Variants in DMXL1 observed in about 807,000 individuals in gnomAD.
DMXL1 encodes Dmx like 1.
A neutral mutation model predicts 319.2 loss-of-function variants in DMXL1; 99 were observed. The observed-to-expected ratio is 0.31, with a 90% CI of 0.26 to 0.37. The LOEUF is 0.37. Among genes scored for constraint, DMXL1 ranks in the 10% least tolerant of loss-of-function variants. The pLI, the probability that DMXL1 is intolerant of heterozygous loss-of-function variation, is 1.00. For missense variants in DMXL1, 3,745 were observed against 3,595.6 expected, an observed-to-expected ratio of 1.04 and a Z score of -1.06; for synonymous variants, 1,385 against 1,235.2, an observed-to-expected ratio of 1.12 and a Z score of -2.54.
At chr5:119,165,549 A>G (rs1354602656) in intron 21 of DMXL1, among the ~76,000 whole-genome samples, 1 of 152,220 alleles carries the variant, frequency 6.6e-6, no homozygotes, top group Non-Finnish European at 1.5e-5. Context: ...TGCTCCTATA[A>G]AACAAAGGTA....
chr5:119,116,484 A>G (rs1479454416), intron 7 of DMXL1, 148 bp downstream of exon 7: 3 of 846,436 alleles, frequency 3.5e-6, no homozygotes, highest in Non-Finnish European at 3.6e-6. Flanking sequence ...TGGCCTGCAC[A>G]TCTCTGGCTG....
chr5:119,206,896 G>C lies in DMXL1; in HGVS notation c.7926G>C (p.Lys2642Asn). Residue 2642 changes from lysine (K) to asparagine (N), a missense_variant and splice_region_variant, in exon 34 of 44, where the codon AAG becomes AAC. By Grantham distance (94) the Lys-to-Asn change is moderately conservative. Around this residue, in one of 4 missense-constraint regions of DMXL1, gnomAD observed 1,382 missense variants for 1,269.5 expected, o/e 1.09. Transcript: ENST00000539542. ...NSMMEEPNIN[K>N]IEADLGYPGG... ...TGATGGAGGAGCCAAACATCAATAA[G>C]GTACAAAATATCATTCAACTGAAAT... 1 of 1,508,718 alleles carries C rather than the reference G, an allele frequency of 6.6e-7. No homozygotes were observed. The highest frequency in any genetic ancestry group is 1.2e-5 in the South Asian group (1 of 82,418). The allele number at this position is 1,508,718 out of a possible 1,614,324, so 93.5% of individuals were successfully genotyped here.
At chr5:119,240,823 T>A (rs1788637333) in intron 42 of DMXL1, among the ~76,000 whole-genome samples, 1 of 152,104 alleles carries the variant, frequency 6.6e-6, no homozygotes, top group Non-Finnish European at 1.5e-5. Flanking sequence ...AGTAACACAA[T>A]AATAGGAAAT....
intron 3 of DMXL1, 115 bp from the exon 4 acceptor site, chr5:119,105,062 TTTG>T: frequency 1.5e-6 from 1 of 665,122 alleles, no homozygotes; most frequent in Non-Finnish European, 2.7e-6. Context: ...AACTGAACAT[TTTG>T]TTATCTTTAA....
intron 30 of DMXL1, among the ~76,000 whole-genome samples, chr5:119,195,645 T>C (rs187925772): frequency 8.5e-5 from 13 of 152,256 alleles, no homozygotes; most frequent in African/African-American, 2.6e-4. Context: ...TGGAGTTGGA[T>C]GGTGGTGGTG....
At chr5:119,112,257 G>A (rs1210951977) in intron 5 of DMXL1, among the ~76,000 whole-genome samples, 2 of 152,168 alleles carry the variant, frequency 1.3e-5, no homozygotes, top group South Asian at 2.1e-4. Flanking sequence ...CACCGTGCCC[G>A]GCCTGATAAT....
At chr5:119,195,719 G>T (rs1779492912) in intron 30 of DMXL1, among the ~76,000 whole-genome samples, 1 of 151,254 alleles carries the variant, frequency 6.6e-6, no homozygotes, top group Admixed American at 6.6e-5. Flanking sequence ...GGCCAAAATG[G>T]TAAATTTTAT....
Position 119,212,295 on chromosome 5 carries a change from G to A in DMXL1, c.7927-4606G>A, listed in dbSNP as rs150004376. Among the ~76,000 whole-genome samples, 36 of 152,256 alleles carry A rather than the reference G, an allele frequency of 2.4e-4. 1 individual carries two copies. The Middle Eastern group carries it at 0.014, about 58-fold the overall frequency. ...CTATCCCTAGGTACCTCATGTAAATGGAATTGTATAATAGTTATCCTTTTG... is the reference window on the plus strand; with the variant it reads ...CTATCCCTAGGTACCTCATGTAAATAGAATTGTATAATAGTTATCCTTTTG... On this transcript the variant is annotated intron_variant, in intron 34 of 43. Transcript: ENST00000539542.
At position 119,143,859 on chromosome 5, in the gene DMXL1, T is replaced by A. The variant is rs770783550; in HGVS notation, c.2395T>A (p.Phe799Ile). 6.3e-7 allele frequency: 1 copy of A among 1,586,046 alleles called. No individual in the cohort carries two copies. The highest frequency in any genetic ancestry group is 1.8e-5 in the Admixed American group (1 of 56,410). The change falls in exon 14 of 44, where the codon TTT becomes ATT. Residue 799 changes from phenylalanine to isoleucine, a missense_variant. Physicochemically the swap from Phe to Ile is conservative, Grantham distance 21 (BLOSUM62 0). Around this residue, in one of 4 missense-constraint regions of DMXL1, gnomAD observed 2,096 missense variants for 1,985.4 expected, o/e 1.06. Coordinates refer to ENST00000539542, the MANE Select transcript of DMXL1 (RefSeq NM_001290321.3). ...AAAACAGAAATATGTTGGTGAAGTC[T>A]TTAACATCGTCAGTCAACAATCAAC... is the stretch of plus-strand genomic sequence containing the variant. ...PEISKYVGEVFNIVSQQSTAR... is the reference protein window; with the variant it reads ...PEISKYVGEVINIVSQQSTAR...
intron 5 of DMXL1, among the ~76,000 whole-genome samples, chr5:119,111,825 A>C (rs1395529152): frequency 2.0e-5 from 3 of 152,224 alleles, no homozygotes; most frequent in African/African-American, 4.8e-5. Flanking sequence ...ACATATTAAA[A>C]ATAAGTGCAA....
At chr5:119,204,726 C>T (rs1436892585) in intron 33 of DMXL1, among the ~76,000 whole-genome samples, 3 of 152,004 alleles carry the variant, frequency 2.0e-5, no homozygotes, top group African/African-American at 4.8e-5. Context: ...GGACTGGTAA[C>T]GAAGAGTTCA....
chr5:119,174,710 A>G (rs999135680), intron 25 of DMXL1, among the ~76,000 whole-genome samples: 2 of 151,544 alleles, frequency 1.3e-5, no homozygotes, highest in Non-Finnish European at 2.9e-5. Context: ...TGCCATGTTT[A>G]GAGTCTTCTC....
In DMXL1 at chr5:119,148,829, G is replaced by C. The variant is rs1292511663; in HGVS notation, c.3002G>C (p.Arg1001Thr). The change falls in exon 18 of 44, where the codon AGA (arginine) becomes ACA (threonine). Residue 1001 changes from arginine to threonine, a missense_variant. Physicochemically the swap from Arg to Thr is moderately conservative, Grantham distance 71 (BLOSUM62 -1). Coordinates refer to ENST00000539542, the MANE Select transcript of DMXL1 (RefSeq NM_001290321.3). The stretch of plus-strand genomic sequence containing the variant: ...TCAGATGAGAAAGTAAGATTCTGGA[G>C]ATGCAGAGTAACAGATGGAGAATCT... ...SCSDEKVRFWRCRVTDGESAT... is the reference protein window; with the variant it reads ...SCSDEKVRFWTCRVTDGESAT... The C allele has an allele frequency of 5.6e-6, 9 of 1,613,722 alleles. No individual in the cohort carries two copies. Among genetic ancestry groups the C allele is most frequent in the South Asian group, 4.4e-5 (4 of 91,082 alleles).
chr5:119,072,974 G>A (rs1357342231), intron 1 of DMXL1, among the ~76,000 whole-genome samples: 3 of 152,186 alleles, frequency 2.0e-5, no homozygotes, highest in Non-Finnish European at 4.4e-5. Context: ...GGTTTTCCTA[G>A]TGGGAAATTA....
chr5:119,155,260 A>G (rs779596455), intron 19 of DMXL1, among the ~76,000 whole-genome samples: 3 of 152,226 alleles, frequency 2.0e-5, no homozygotes, highest in African/African-American at 7.2e-5. Flanking sequence ...TATAGCTGCT[A>G]TAGATAATTA....
At chr5:119,116,688 C>T (rs1760918434) in intron 7 of DMXL1, among the ~76,000 whole-genome samples, 1 of 152,114 alleles carries the variant, frequency 6.6e-6, no homozygotes, top group East Asian at 1.9e-4. Flanking sequence ...AATACTCTGT[C>T]GTCTTGTACC....
In DMXL1 at chr5:119,178,262, T is replaced by G; in HGVS notation, c.7135+18T>G. On this transcript the variant is annotated intron_variant, in intron 28 of 43. Coordinates refer to ENST00000539542, the MANE Select transcript of DMXL1 (RefSeq NM_001290321.3). Reference sequence around the variant, plus strand: ...TTTACCTGGTGAGTTTAAAAAATTTTTTTAGGACTGAAGCTTTATTTATCT... The same window carrying G: ...TTTACCTGGTGAGTTTAAAAAATTTGTTTAGGACTGAAGCTTTATTTATCT... The G allele has an allele frequency of 6.2e-7, 1 of 1,608,094 alleles. No individual in the cohort carries two copies. The highest frequency in any genetic ancestry group is 8.5e-7 in the Non-Finnish European group (1 of 1,176,784).
intron 37 of DMXL1, among the ~76,000 whole-genome samples, chr5:119,223,911 T>C (rs953611248): frequency 1.3e-5 from 2 of 152,140 alleles, no homozygotes; most frequent in African/African-American, 4.8e-5. Flanking sequence ...TCTAGAGAAC[T>C]GATAAAATAT....
rs1561664166 is a variant in DMXL1, at chr5:119,129,296, C to T, written c.1188C>T (p.Asn396=). 6.2e-7 allele frequency: 1 copy of T among 1,613,430 alleles called. No individual in the cohort carries two copies. Among genetic ancestry groups the T allele is most frequent in the African/African-American group, 1.3e-5 (1 of 74,892 alleles). The change falls in exon 10 of 44, where the codon AAC becomes AAT. Residue 396 remains asparagine, a synonymous_variant. Coordinates refer to ENST00000539542, the MANE Select transcript of DMXL1 (RefSeq NM_001290321.3). ...KTGPFVVHWL[N]NKELHFTLSM... ...GACCTTTTGTTGTACACTGGCTAAA[C>T]AATAAAGAACTGCATTTTACTTTGT...
Sources: gnomAD v4.1 joint callset for allele counts (sites outside exome capture counted in the v4.1 genomes callset) on GRCh38, gnomAD v4.1.1 for gene constraint, gnomAD v4.1.1 regional missense constraint, MANE v1.5 for transcripts, NCBI Gene and HGNC (gene_info 2026-07-23, HGNC 2026-07-21) for gene names.